Variants in PREX1 observed in about 807,000 individuals in gnomAD.
PREX1 encodes phosphatidylinositol-3,4,5-trisphosphate dependent Rac exchange factor 1, also known as phosphatidylinositol 3,4,5-trisphosphate-dependent Rac exchanger 1 protein.
In PREX1, 41 loss-of-function variants were observed where a neutral mutation model predicts 198.3. That is an observed-to-expected ratio of 0.21 (90% CI 0.16 to 0.27). The LOEUF is 0.27. PREX1 is among the 10% of genes least tolerant of loss of function. PREX1 has a pLI of 1.00. For synonymous variants in PREX1, 843 were observed against 887.2 expected, an observed-to-expected ratio of 0.95 and a Z score of 0.89; for missense variants, 1,620 against 2,200.7, an observed-to-expected ratio of 0.74 and a Z score of 5.28.
At chr20:48,874,559 CCTCTCTTGAAG>C in the PREX1 span, among the ~76,000 whole-genome samples, 1 of 151,922 alleles carries the variant, frequency 6.6e-6, no homozygotes, top group Admixed American at 6.6e-5. Context: ...AAACCAGGAG[CCTCTCTTGAAG>C]CAGTTTAATA....
At chr20:48,864,252 A>G in the PREX1 span, among the ~76,000 whole-genome samples, 11 of 152,334 alleles carry the variant, frequency 7.2e-5, no homozygotes, top group East Asian at 2.1e-3. Flanking sequence ...TCATGCCTTC[A>G]CTTATTCCTC....
chr20:48,778,295 C>T (rs1330909628), intron 1 of PREX1, among the ~76,000 whole-genome samples: 4 of 152,004 alleles, frequency 2.6e-5, no homozygotes, highest in Admixed American at 2.0e-4. Flanking sequence ...TTATTATGGC[C>T]AGGCACAGTG....
intron 5 of PREX1, among the ~76,000 whole-genome samples, chr20:48,721,668 G>A (rs2089986569): frequency 6.6e-6 from 1 of 152,238 alleles, no homozygotes; most frequent in African/African-American, 2.4e-5. Context: ...GTCCTGGGAG[G>A]GTAGTCCGGG....
At chr20:48,791,685 G>T (rs2090339530) in intron 1 of PREX1, among the ~76,000 whole-genome samples, 1 of 152,202 alleles carries the variant, frequency 6.6e-6, no homozygotes, top group Non-Finnish European at 1.5e-5. Flanking sequence ...TTGAAATCAA[G>T]TTCAGTGTCC....
intron 1 of PREX1, among the ~76,000 whole-genome samples, chr20:48,777,855 G>T (rs956527504): frequency 8.5e-5 from 13 of 152,174 alleles, no homozygotes; most frequent in Admixed American, 2.6e-4. Context: ...ATCATCATCA[G>T]CAGCAGCAGC....
chr20:48,664,358 G>C (rs1299339567), intron 15 of PREX1, among the ~76,000 whole-genome samples: 1 of 149,150 alleles, frequency 6.7e-6, no homozygotes, highest in Non-Finnish European at 1.5e-5. Context: ...CTGGGCGACA[G>C]AGCAAGACTC....
the PREX1 span, among the ~76,000 whole-genome samples, chr20:48,859,969 G>A: frequency 6.6e-6 from 1 of 152,182 alleles, no homozygotes; most frequent in African/African-American, 2.4e-5. Context: ...AGTGAGCTGA[G>A]ATTGCACCAC....
chr20:48,790,551 A>G lies in PREX1; in HGVS notation c.219+37091T>C, dbSNP rs145018734. ...AATGGTCCAGGCTGCCTCTCGAGAC[A>G]GCTAAATTCTGTTGTGCTCATTCTG... is the stretch of plus-strand genomic sequence containing the variant. On this transcript the variant is annotated intron_variant, in intron 1 of 39. Coordinates refer to ENST00000371941, the MANE Select transcript of PREX1 (RefSeq NM_020820.4). 7.2e-3 allele frequency among the ~76,000 whole-genome samples: 1,097 copies of G among 152,324 alleles called. 5 individuals carry two copies. The highest frequency in any genetic ancestry group is 0.013 in the Non-Finnish European group (872 of 68,030).
At chr20:48,844,748 C>T in the PREX1 span, among the ~76,000 whole-genome samples, 1 of 152,090 alleles carries the variant, frequency 6.6e-6, no homozygotes, top group African/African-American at 2.4e-5. Context: ...GCTCTTGAGC[C>T]GAATTACCCA....
intron 27 of PREX1, among the ~76,000 whole-genome samples, chr20:48,643,881 T>G (rs1003049817): frequency 2.0e-5 from 3 of 152,218 alleles, no homozygotes; most frequent in African/African-American, 7.2e-5. Context: ...TTCACCATGT[T>G]GGCCAGGCTG....
chr20:48,805,331 G>A (rs1173209853), intron 1 of PREX1, among the ~76,000 whole-genome samples: 1 of 152,246 alleles, frequency 6.6e-6, no homozygotes, highest in African/African-American at 2.4e-5. Flanking sequence ...AGTCAGAGAA[G>A]GACAGGCGGG....
chr20:48,823,831 G>A (rs2090497953), intron 1 of PREX1, among the ~76,000 whole-genome samples: 2 of 152,172 alleles, frequency 1.3e-5, no homozygotes, highest in South Asian at 4.1e-4. Flanking sequence ...ATGAGTTGTG[G>A]GGTCAGGCAG....
Position 48,774,878 on chromosome 20 carries a change from C to T in PREX1, c.220-26998G>A, listed in dbSNP as rs576963018. Reference sequence around the variant, plus strand: ...GGAACTCCATGGAAACGCACAGCCTCAGCCTGCCATGGGGCAAGGTGTTTT... The same window carrying T: ...GGAACTCCATGGAAACGCACAGCCTTAGCCTGCCATGGGGCAAGGTGTTTT... On this transcript the variant is annotated intron_variant, in intron 1 of 39. Coordinates refer to ENST00000371941, the MANE Select transcript of PREX1 (RefSeq NM_020820.4). Among the ~76,000 whole-genome samples the T allele has an allele frequency of 1.2e-4, 19 of 152,380 alleles. No individual in the cohort carries two copies. In the South Asian group the frequency reaches 2.1e-3, roughly 17 times the overall value.
chr20:48,636,680 G>A lies in PREX1; in HGVS notation c.3950C>T (p.Thr1317Met), dbSNP rs554802399. 2.7e-5 allele frequency: 44 copies of A among 1,600,224 alleles called. No homozygotes were observed. In the East Asian group the frequency reaches 5.2e-4, roughly 19 times the overall value. The change falls in exon 32 of 40, where the codon ACG becomes ATG. Residue 1317 changes from threonine to methionine, a missense_variant. This residue lies in a region of PREX1 where 476 missense variants were observed against 603.4 expected (regional missense o/e 0.79). Coordinates refer to ENST00000371941, the MANE Select transcript of PREX1 (RefSeq NM_020820.4). ...CGCGTCTCTGCGCAGCTGCAGCTCCGTGTCTGGGGGCAGAGGGCAGGAGGC... is the reference window on the plus strand; with the variant it reads ...CGCGTCTCTGCGCAGCTGCAGCTCCATGTCTGGGGGCAGAGGGCAGGAGGC... ...LLLALLKCTDTELQLRRDAIF... is the reference protein window; with the variant it reads ...LLLALLKCTDMELQLRRDAIF...
chr20:48,726,107 A>C (rs1435136875), intron 5 of PREX1, among the ~76,000 whole-genome samples, 183 bp downstream of exon 5: 1 of 152,198 alleles, frequency 6.6e-6, no homozygotes, highest in Non-Finnish European at 1.5e-5. Flanking sequence ...TGCCACACTG[A>C]AAATAAGCCT....
In PREX1 at chr20:48,676,923, T is replaced by C. The variant is rs543173165; in HGVS notation, c.1590-655A>G. 4.1e-4 allele frequency among the ~76,000 whole-genome samples: 62 copies of C among 152,358 alleles called. 1 individual carries two copies. Among genetic ancestry groups the C allele is most frequent in the African/African-American group, 1.5e-3 (61 of 41,592 alleles). On this transcript the variant is annotated intron_variant, in intron 13 of 39. Coordinates refer to ENST00000371941, the MANE Select transcript of PREX1 (RefSeq NM_020820.4). ...CAGAGGCCTGTGAGTTTCACGGTTC[T>C]TTCCTGAGGTAACTGCCCTGGCCTG...
intron 1 of PREX1, among the ~76,000 whole-genome samples, chr20:48,823,886 GCTCA>G (rs994181454): frequency 3.3e-5 from 5 of 152,286 alleles, no homozygotes; most frequent in African/African-American, 1.2e-4. Context: ...ACCCAGAGCA[GCTCA>G]CTTAGATTCA....
chr20:48,797,650 G>A (rs190875070), intron 1 of PREX1, among the ~76,000 whole-genome samples: 27 of 152,166 alleles, frequency 1.8e-4, no homozygotes, highest in Admixed American at 4.6e-4. Context: ...GTCGGTCCCC[G>A]CTTGTCACCT....
intron 10 of PREX1, 103 bp downstream of exon 10, chr20:48,688,554 T>C (rs774984435): frequency 1.1e-4 from 157 of 1,428,634 alleles, no homozygotes; most frequent in Non-Finnish European, 1.5e-4. Context: ...CTGCCCAGGA[T>C]GGCTCCTGGG....
Sources: gnomAD v4.1 joint callset for allele counts (sites outside exome capture counted in the v4.1 genomes callset) on GRCh38, gnomAD v4.1.1 for gene constraint, gnomAD v4.1.1 regional missense constraint, MANE v1.5 for transcripts, NCBI Gene and HGNC (gene_info 2026-07-23, HGNC 2026-07-21) for gene names.